The following VRK2 variants were observed in gnomAD, a reference collection of about 807,000 sequenced individuals.
VRK2 encodes the protein VRK serine/threonine kinase 2, also known as serine/threonine-protein kinase VRK2.
In VRK2, 60 loss-of-function variants were observed where a neutral mutation model predicts 57.6. That is an observed-to-expected ratio of 1.04 (90% CI 0.85 to 1.29). The LOEUF is 1.29. Ranked by LOEUF, VRK2 falls within the 50% of genes most tolerant of loss-of-function variation. The pLI is 0.00. For synonymous variants in VRK2, 231 were observed against 199.2 expected, an observed-to-expected ratio of 1.16 and a Z score of -1.35; for missense variants, 705 against 588.1, an observed-to-expected ratio of 1.20 and a Z score of -2.06.
rs566538479 is a variant in VRK2, at chr2:58,076,932, T to C, written c.137-7157T>C. Among the ~76,000 whole-genome samples the C allele has an allele frequency of 2.0e-5, 3 of 152,136 alleles. No individual in the cohort carries two copies. The East Asian group carries it at 5.8e-4, about 29-fold the overall frequency. ...TCTACTCGACTGCCCTAAATGGTGA[T>C]ATATTATAAAATAGCACATAGTACA... On this transcript the variant is annotated intron_variant, in intron 2 of 12. Transcript: ENST00000340157.
chr2:58,127,285 C>G (rs535890944), intron 8 of VRK2, among the ~76,000 whole-genome samples: 9 of 152,092 alleles, frequency 5.9e-5, no homozygotes, highest in Admixed American at 2.0e-4. Flanking sequence ...TTCGTGCTAC[C>G]AAACTTGGGG....
At chr2:57,933,942 T>G (rs1049414477) in intron 1 of VRK2, among the ~76,000 whole-genome samples, 7 of 152,318 alleles carry the variant, frequency 4.6e-5, no homozygotes, top group Admixed American at 3.3e-4. Context: ...CCATGAAGTT[T>G]AAATAAAACA....
intron 3 of VRK2, among the ~76,000 whole-genome samples, chr2:58,035,630 A>T (rs951183896): frequency 6.6e-6 from 1 of 152,008 alleles, no homozygotes; most frequent in Non-Finnish European, 1.5e-5. Context: ...TTGACATTTG[A>T]ATGTTCATTA....
At chr2:57,982,140 C>T (rs552906265) in intron 1 of VRK2, among the ~76,000 whole-genome samples, 1 of 152,198 alleles carries the variant, frequency 6.6e-6, no homozygotes, top group African/African-American at 2.4e-5. Context: ...ATTCTGGATG[C>T]TTTCAGGGGC....
chr2:58,099,112 A>G (rs1238982618), intron 7 of VRK2, among the ~76,000 whole-genome samples: 6 of 152,054 alleles, frequency 3.9e-5, no homozygotes, highest in Non-Finnish European at 5.9e-5. Flanking sequence ...GGAATTATCA[A>G]AAATGATAGT....
At chr2:58,040,709 C>T (rs1483563391) in intron 3 of VRK2, among the ~76,000 whole-genome samples, 4 of 152,146 alleles carry the variant, frequency 2.6e-5, no homozygotes, top group African/African-American at 9.7e-5. Context: ...CAACATTAGC[C>T]AGATACTTCC....
At chr2:57,947,081 C>A (rs1558507427) in intron 1 of VRK2, among the ~76,000 whole-genome samples, 1 of 152,096 alleles carries the variant, frequency 6.6e-6, no homozygotes, top group Non-Finnish European at 1.5e-5. Context: ...AAAGTAAATT[C>A]TTTGAAAATT....
chr2:58,138,301 G>A (rs1487321888), intron 10 of VRK2, among the ~76,000 whole-genome samples: 1 of 152,114 alleles, frequency 6.6e-6, no homozygotes, highest in South Asian at 2.1e-4. Flanking sequence ...TGAAGCATCA[G>A]TTATAAATAT....
At chr2:58,051,065 G>C (rs997118578) in intron 2 of VRK2, among the ~76,000 whole-genome samples, 1 of 152,114 alleles carries the variant, frequency 6.6e-6, no homozygotes, top group Non-Finnish European at 1.5e-5. Context: ...GGATGGTCTC[G>C]AACTCCTGAC....
chr2:57,964,577 T>C (rs1164632117), intron 1 of VRK2, among the ~76,000 whole-genome samples: 1 of 152,050 alleles, frequency 6.6e-6, no homozygotes, highest in East Asian at 1.9e-4. Flanking sequence ...CAAATGTATG[T>C]TCATACTCGT....
At chr2:57,963,971 G>A (rs187464506) in intron 1 of VRK2, among the ~76,000 whole-genome samples, 19 of 152,196 alleles carry the variant, frequency 1.2e-4, no homozygotes, top group South Asian at 4.1e-4. Flanking sequence ...TAAAATAGCC[G>A]CCTCTATCTT....
At chr2:58,046,229 TAAC>T (rs1454320913), upstream of VRK2, among the ~76,000 whole-genome samples, 7 of 152,346 alleles carry the variant, frequency 4.6e-5, no homozygotes, top group African/African-American at 1.4e-4. Context: ...CCTTATAATC[TAAC>T]AACAAGGGTT....
upstream of VRK2, among the ~76,000 whole-genome samples, chr2:58,042,083 T>C (rs113798246): frequency 3.8e-3 from 585 of 152,302 alleles, 1 homozygote; most frequent in Non-Finnish European, 6.6e-3. Flanking sequence ...GGCATGTCCT[T>C]AACCTTGGCA....
chr2:57,916,927 A>T (rs1196036347), intron 1 of VRK2, among the ~76,000 whole-genome samples: 3 of 152,190 alleles, frequency 2.0e-5, no homozygotes, highest in Admixed American at 2.0e-4. Flanking sequence ...CTGTTGTGGG[A>T]ATCAAATAAA....
At chr2:57,992,137 A>G (rs1672788015) in intron 1 of VRK2, among the ~76,000 whole-genome samples, 3 of 152,184 alleles carry the variant, frequency 2.0e-5, no homozygotes, top group Non-Finnish European at 4.4e-5. Flanking sequence ...AAACGAAGGT[A>G]TCAGTCTAGT....
chr2:58,078,892 T>G (rs1304243082), intron 2 of VRK2, among the ~76,000 whole-genome samples: 1 of 152,154 alleles, frequency 6.6e-6, no homozygotes, highest in Admixed American at 6.5e-5. Context: ...CAAACTGGTC[T>G]TAAACTCCTG....
intron 1 of VRK2, among the ~76,000 whole-genome samples, chr2:57,911,214 C>G (rs182236090): frequency 6.6e-6 from 1 of 152,192 alleles, no homozygotes; most frequent in Non-Finnish European, 1.5e-5. Context: ...CAGAGATATT[C>G]TAGATTATAA....
Position 58,123,220 on chromosome 2 carries a change from C to T in VRK2, c.663C>T (p.Ala221=), listed in dbSNP as rs1288488799. 3 of 1,582,262 alleles carry T rather than the reference C, an allele frequency of 1.9e-6. No homozygotes were observed. The highest frequency in any genetic ancestry group is 2.6e-6 in the Non-Finnish European group (3 of 1,171,584). ...NGTIEFTSLD[A]HKGVALSRRS... ...CAATAGAGTTTACCAGCTTGGATGCCCACAAGGGAGTAGGTGGGTTTCTTT... is the reference window on the plus strand; with the variant it reads ...CAATAGAGTTTACCAGCTTGGATGCTCACAAGGGAGTAGGTGGGTTTCTTT... Residue 221 remains alanine, a synonymous_variant, in exon 8 of 13, where the codon GCC becomes GCT. Coordinates refer to ENST00000340157, the MANE Select transcript of VRK2 (RefSeq NM_006296.7).
intron 11 of VRK2, among the ~76,000 whole-genome samples, chr2:58,143,682 C>A (rs1041823960): frequency 6.6e-6 from 1 of 151,830 alleles, no homozygotes; most frequent in South Asian, 2.1e-4. Flanking sequence ...CTAAAAACTT[C>A]AATATCTTAG....
Sources: allele counts gnomAD v4.1 joint callset (sites outside exome capture counted in the v4.1 genomes callset), GRCh38; gene constraint gnomAD v4.1.1; transcripts MANE v1.5; gene names NCBI Gene and HGNC (gene_info 2026-07-23, HGNC 2026-07-21).